Variants in OSBPL1A observed in about 807,000 individuals in gnomAD.
OSBPL1A encodes the protein oxysterol-binding protein-related protein 1.
In OSBPL1A, 80 loss-of-function variants were observed where a neutral mutation model predicts 137.1. The observed-to-expected ratio is 0.58, with a 90% CI of 0.49 to 0.70. The LOEUF is 0.70. Ranked by LOEUF, OSBPL1A falls within the 30% of genes least tolerant of loss-of-function variation. OSBPL1A has a pLI of 0.00. For synonymous variants in OSBPL1A, 365 were observed against 389.7 expected, an observed-to-expected ratio of 0.94 and a Z score of 0.75; for missense variants, 970 against 1,129.4, an observed-to-expected ratio of 0.86 and a Z score of 2.02.
At chr18:24,338,276 T>G (rs1341823182) in intron 5 of OSBPL1A, among the ~76,000 whole-genome samples, 1 of 151,534 alleles carries the variant, frequency 6.6e-6, no homozygotes, top group African/African-American at 2.4e-5. Flanking sequence ...AAGACGGGGT[T>G]TCACCGTGTT....
At chr18:24,213,215 T>C (rs1379754464) in intron 17 of OSBPL1A, among the ~76,000 whole-genome samples, 1 of 152,238 alleles carries the variant, frequency 6.6e-6, no homozygotes, top group Non-Finnish European at 1.5e-5. Context: ...GTCATATACC[T>C]TTTTTAGTTA....
chr18:24,243,391 T>G (rs376363720), intron 15 of OSBPL1A, among the ~76,000 whole-genome samples: 9 of 152,194 alleles, frequency 5.9e-5, no homozygotes, highest in African/African-American at 2.2e-4. Context: ...CTCTTTCCCC[T>G]TTTTAGCTTT....
intron 13 of OSBPL1A, among the ~76,000 whole-genome samples, chr18:24,307,308 C>T (rs2146106779): frequency 6.6e-6 from 1 of 152,148 alleles, no homozygotes; most frequent in East Asian, 1.9e-4. Context: ...ATAACCCATA[C>T]TCCATCTTTC....
At chr18:24,253,219 T>C (rs1294216116) in intron 15 of OSBPL1A, among the ~76,000 whole-genome samples, 2 of 142,348 alleles carry the variant, frequency 1.4e-5, no homozygotes, top group Non-Finnish European at 3.0e-5. Context: ...ATCTGTTGCC[T>C]ACAGGAAATG....
At chr18:24,229,004 C>CAGGAGTTCA (rs1045651775) in intron 16 of OSBPL1A, among the ~76,000 whole-genome samples, 10 of 152,204 alleles carry the variant, frequency 6.6e-5, no homozygotes, top group Admixed American at 5.2e-4. Context: ...AGTTCAAGAC[C>CAGGAGTTCA]AGACTGGCCA....
At chr18:24,226,349 G>A (rs2088076501) in intron 16 of OSBPL1A, among the ~76,000 whole-genome samples, 1 of 152,118 alleles carries the variant, frequency 6.6e-6, no homozygotes, top group Admixed American at 6.5e-5. Context: ...CTTGTTTAAT[G>A]TTTTATGTAT....
rs117160149 is a variant in OSBPL1A at position 24,372,469 on chromosome 18, C to T, written c.122-4097G>A. Among the ~76,000 whole-genome samples the T allele has an allele frequency of 7.8e-3, 1,195 of 152,230 alleles. 8 individuals carry two copies. Among genetic ancestry groups the T allele is most frequent in the Non-Finnish European group, 0.012 (824 of 67,998 alleles). ...AAAGCTGAACTCACCTGTCGTCCTC[C>T]GTACACACACTCGCAGGAACCACCA... On this transcript the variant is annotated intron_variant, in intron 2 of 27. Transcript: ENST00000319481.
intron 5 of OSBPL1A, 117 bp from the exon 6 acceptor site, chr18:24,334,447 T>C (rs1229357170): frequency 1.5e-5 from 9 of 616,054 alleles, no homozygotes; most frequent in Middle Eastern, 7.4e-4. Flanking sequence ...GTAATTCAAA[T>C]GCAGTTAAAA....
chr18:24,222,851 T>C (rs1171114137), intron 17 of OSBPL1A, among the ~76,000 whole-genome samples: 1 of 152,152 alleles, frequency 6.6e-6, no homozygotes, highest in Non-Finnish European at 1.5e-5. Flanking sequence ...ATGTTTCCCA[T>C]GTCTCCCTAA....
intron 1 of OSBPL1A, among the ~76,000 whole-genome samples, chr18:24,379,454 A>G (rs1906424007): frequency 6.6e-6 from 1 of 151,246 alleles, no homozygotes; most frequent in African/African-American, 2.4e-5. Flanking sequence ...TGGGAGGTGG[A>G]GGTTGCAGTA....
At chr18:24,231,816 T>A (rs985091132) in intron 16 of OSBPL1A, among the ~76,000 whole-genome samples, 1 of 152,202 alleles carries the variant, frequency 6.6e-6, no homozygotes. Flanking sequence ...TTTCCTACTA[T>A]TAAAAGGCTG....
intron 22 of OSBPL1A, among the ~76,000 whole-genome samples, chr18:24,172,131 G>A (rs2086303051): frequency 1.3e-5 from 2 of 151,988 alleles, no homozygotes; most frequent in Non-Finnish European, 2.9e-5. Flanking sequence ...AGTAGAGACG[G>A]GGTTTCACCA....
rs540580763 is a variant in OSBPL1A at position 24,320,208 on chromosome 18, G to A, written c.626-1399C>T. 2.6e-5 allele frequency among the ~76,000 whole-genome samples: 4 copies of A among 152,018 alleles called. No homozygotes were observed. The South Asian group carries it at 6.2e-4, about 24-fold the overall frequency. On this transcript the variant is annotated intron_variant, in intron 7 of 27. Coordinates refer to ENST00000319481, the MANE Select transcript of OSBPL1A (RefSeq NM_080597.4). ...CCCTAATGAGGGTCTGTTATGTACC[G>A]ATTACTATTTTAGGCACTGAGGATT...
chr18:24,206,741 T>C (rs1281934635), intron 17 of OSBPL1A, among the ~76,000 whole-genome samples: 5 of 152,186 alleles, frequency 3.3e-5, no homozygotes, highest in Non-Finnish European at 7.3e-5. Context: ...ATGTCAGCAA[T>C]GGGATTTTGA....
rs370943010 is a variant in OSBPL1A at position 24,165,161 on chromosome 18, A to G, written c.2660-6T>C. Reference sequence around the variant, plus strand: ...TTTTTCTTCACTAGCTTGATCTAAAATAAGAACATCAACACAAACCATTAA... The same window carrying G: ...TTTTTCTTCACTAGCTTGATCTAAAGTAAGAACATCAACACAAACCATTAA... On this transcript the variant is annotated splice_region_variant and splice_polypyrimidine_tract_variant and intron_variant, in intron 26 of 27. Transcript: ENST00000319481. 1 of 1,613,572 alleles carries G rather than the reference A, an allele frequency of 6.2e-7. No homozygotes were observed. Among genetic ancestry groups the G allele is most frequent in the African/African-American group, 1.3e-5 (1 of 74,916 alleles).
rs1014976877 is a variant in OSBPL1A at position 24,325,085 on chromosome 18, C to T, written c.626-6276G>A. On this transcript the variant is annotated intron_variant, in intron 7 of 27. Transcript: ENST00000319481. ...TGGGTGACAGAGCGAGACTCAGTAT[C>T]GAAACAAAAAAAAGAAAGAAAGAAA... 5.6e-5 allele frequency among the ~76,000 whole-genome samples: 8 copies of T among 143,128 alleles called. No individual in the cohort carries two copies. The East Asian group carries it at 6.0e-4, about 11-fold the overall frequency. 93.9% of individuals were successfully genotyped at this position (143,128 alleles called of 152,430 possible).
chr18:24,375,162 A>G (rs886944806), intron 2 of OSBPL1A, among the ~76,000 whole-genome samples: 1 of 152,004 alleles, frequency 6.6e-6, no homozygotes, highest in African/African-American at 2.4e-5. Context: ...AAGAAATACA[A>G]AAATTAGCCA....
At chr18:24,326,896 A>G (rs755249436) in intron 7 of OSBPL1A, among the ~76,000 whole-genome samples, 2 of 152,210 alleles carry the variant, frequency 1.3e-5, no homozygotes, top group Non-Finnish European at 2.9e-5. Flanking sequence ...AGGTGATTAT[A>G]TACTTTTCTA....
At chr18:24,204,439 T>C (rs1183265302) in intron 17 of OSBPL1A, among the ~76,000 whole-genome samples, 1 of 152,146 alleles carries the variant, frequency 6.6e-6, no homozygotes, top group Non-Finnish European at 1.5e-5. Context: ...TCACCTAGAT[T>C]GTACATGGTA....
Sources: allele counts gnomAD v4.1 joint callset (sites outside exome capture counted in the v4.1 genomes callset), GRCh38; gene constraint gnomAD v4.1.1; transcripts MANE v1.5; gene names NCBI Gene and HGNC (gene_info 2026-07-23, HGNC 2026-07-21).